Variants in TRAPPC9 observed in about 807,000 individuals in gnomAD.
TRAPPC9 encodes the protein IKK2 binding protein.
Under a neutral mutation model 124.0 loss-of-function variants are expected in TRAPPC9, and 83 were observed. The ratio of observed to expected loss-of-function variants is 0.67; its 90% CI spans 0.56 to 0.80. The LOEUF is 0.80. Among genes scored for constraint, TRAPPC9 ranks in the 30% least tolerant of loss-of-function variants. The pLI is 0.00. For synonymous variants in TRAPPC9, 638 were observed against 617.5 expected (o/e 1.03, Z -0.49); for missense variants, 1,302 against 1,508.3 (o/e 0.86, Z 2.27).
chr8:140,043,524 C>T (rs59068764), intron 17 of TRAPPC9, among the ~76,000 whole-genome samples: 33 of 152,282 alleles, frequency 2.2e-4, no homozygotes, highest in African/African-American at 6.0e-4. Context: ...CTGGCTACCC[C>T]GAACCCCAGC....
chr8:139,970,768 G>A lies in TRAPPC9; in HGVS notation c.2810+17958C>T, dbSNP rs532228632. On this transcript the variant is annotated intron_variant, in intron 19 of 22. Transcript: ENST00000438773. ...GGAGCAGGGCTGTGGCAGGGGTAGA[G>A]TCACGTGCCAGGCCTGCAATGCGCA... Among the ~76,000 whole-genome samples, 741 of 152,266 alleles carry A rather than the reference G, an allele frequency of 4.9e-3. 4 individuals carry two copies. The highest frequency in any genetic ancestry group is 0.017 in the African/African-American group (722 of 41,538).
At chr8:140,007,479 T>G (rs1226370537) in intron 18 of TRAPPC9, among the ~76,000 whole-genome samples, 1 of 152,230 alleles carries the variant, frequency 6.6e-6, no homozygotes, top group Non-Finnish European at 1.5e-5. Flanking sequence ...TACTTGCAAA[T>G]AACAACCTGA....
intron 5 of TRAPPC9, among the ~76,000 whole-genome samples, chr8:140,411,300 A>G (rs1272087466): frequency 2.6e-5 from 4 of 152,220 alleles, no homozygotes; most frequent in Non-Finnish European, 5.9e-5. Context: ...AAAACGTCCG[A>G]TTCCAGAGCT....
intron 9 of TRAPPC9, among the ~76,000 whole-genome samples, chr8:140,315,364 C>T (rs2066416666): frequency 6.6e-6 from 1 of 151,546 alleles, no homozygotes. Context: ...GCATATGAGC[C>T]CCTGTGTCAG....
intron 21 of TRAPPC9, among the ~76,000 whole-genome samples, chr8:139,750,110 C>T (rs1819214433): frequency 6.6e-6 from 1 of 152,112 alleles, no homozygotes; most frequent in South Asian, 2.1e-4. Flanking sequence ...TCCACAGGAG[C>T]CCTGGCTGTC....
chr8:140,211,974 C>T (rs1470780966), intron 17 of TRAPPC9, among the ~76,000 whole-genome samples: 1 of 152,230 alleles, frequency 6.6e-6, no homozygotes, highest in Admixed American at 6.5e-5. Flanking sequence ...GGAAGAAGGG[C>T]CTGACTCTGG....
At chr8:139,749,201 C>A (rs140857814) in intron 21 of TRAPPC9, among the ~76,000 whole-genome samples, 439 of 152,258 alleles carry the variant, frequency 2.9e-3, no homozygotes, top group African/African-American at 0.01. Flanking sequence ...TCCTGCAGCA[C>A]CTGCTCCAGG....
chr8:139,934,229 G>C (rs549835764), intron 19 of TRAPPC9, among the ~76,000 whole-genome samples: 1 of 152,236 alleles, frequency 6.6e-6, no homozygotes, highest in Admixed American at 6.5e-5. Flanking sequence ...CAATCAGAGA[G>C]AGACAGAGAG....
At chr8:140,412,404 C>G (rs1484736501) in intron 5 of TRAPPC9, among the ~76,000 whole-genome samples, 1 of 152,124 alleles carries the variant, frequency 6.6e-6, no homozygotes, top group African/African-American at 2.4e-5. Context: ...TGGACTGGAT[C>G]CCGCATCAGG....
At chr8:140,289,948 C>T (rs1194172118) in intron 12 of TRAPPC9, among the ~76,000 whole-genome samples, 1 of 152,168 alleles carries the variant, frequency 6.6e-6, no homozygotes, top group East Asian at 1.9e-4. Context: ...GTGCTAGAGG[C>T]CTAAACAGCA....
intron 19 of TRAPPC9, among the ~76,000 whole-genome samples, chr8:139,987,742 G>A (rs2927051): frequency 0.31 from 46,401 of 152,124 alleles, 8,284 homozygotes; most frequent in Non-Finnish European, 0.39. Flanking sequence ...CAGCCTCTTA[G>A]TATGGAGGGA....
intron 3 of TRAPPC9, among the ~76,000 whole-genome samples, chr8:140,436,702 C>T (rs1450625923): frequency 6.6e-6 from 1 of 152,190 alleles, no homozygotes; most frequent in African/African-American, 2.4e-5. Flanking sequence ...CAGTACCAGT[C>T]TTTCTGGAGA....
intron 3 of TRAPPC9, 104 bp from the exon 4 acceptor site, chr8:140,435,344 A>G: frequency 7.0e-7 from 1 of 1,421,342 alleles, no homozygotes; most frequent in African/African-American, 1.4e-5. Flanking sequence ...TGCAGTAACT[A>G]ACAATGATTT....
intron 8 of TRAPPC9, among the ~76,000 whole-genome samples, chr8:140,363,088 T>C (rs1414036253): frequency 1.3e-5 from 2 of 152,248 alleles, no homozygotes; most frequent in Admixed American, 1.3e-4. Context: ...TGGAGGTTTA[T>C]TTTGTATATG....
At chr8:140,329,695 G>C (rs1039705347) in intron 9 of TRAPPC9, among the ~76,000 whole-genome samples, 1 of 152,028 alleles carries the variant, frequency 6.6e-6, no homozygotes, top group African/African-American at 2.4e-5. Context: ...CAACCTCCTC[G>C]GCATTTTTGT....
intron 16 of TRAPPC9, among the ~76,000 whole-genome samples, chr8:140,230,902 A>C (rs1326255115): frequency 6.6e-6 from 1 of 152,206 alleles, no homozygotes; most frequent in Non-Finnish European, 1.5e-5. Flanking sequence ...GAAATCATCA[A>C]GAGAAGTGGA....
chr8:140,128,305 C>A (rs186622107), intron 17 of TRAPPC9, among the ~76,000 whole-genome samples: 1 of 152,202 alleles, frequency 6.6e-6, no homozygotes, highest in Non-Finnish European at 1.5e-5. Context: ...AACACACACA[C>A]ACAAGTTTTC....
intron 7 of TRAPPC9, among the ~76,000 whole-genome samples, chr8:140,393,038 TTTTA>T (rs1382339233): frequency 5.0e-5 from 1 of 19,888 alleles, no homozygotes; most frequent in Non-Finnish European, 8.7e-5. Context: ...TTTATTTTTA[TTTTA>T]TTTTATTTTA....
At chr8:139,924,273 C>A (rs569346931) in intron 19 of TRAPPC9, among the ~76,000 whole-genome samples, 3 of 152,204 alleles carry the variant, frequency 2.0e-5, no homozygotes, top group Non-Finnish European at 4.4e-5. Context: ...AGCCGCAGGC[C>A]AAGCGCTGGG....
Sources: allele counts gnomAD v4.1 joint callset (sites outside exome capture counted in the v4.1 genomes callset), GRCh38; gene constraint gnomAD v4.1.1; transcripts MANE v1.5; gene names NCBI Gene and HGNC (gene_info 2026-07-23, HGNC 2026-07-21).